The following GULP1 variants were observed in gnomAD, a reference collection of about 807,000 sequenced individuals.
The protein encoded by GULP1 is PTB domain-containing engulfment adapter protein 1.
A neutral mutation model predicts 40.9 loss-of-function variants in GULP1; 19 were observed. The ratio of observed to expected loss-of-function variants is 0.46; its 90% CI spans 0.32 to 0.68. The LOEUF is 0.68. Ranked by LOEUF, GULP1 falls within the 30% of genes least tolerant of loss-of-function variation. The pLI is 0.03. For synonymous variants in GULP1, 119 were observed against 117.6 expected (o/e 1.01, Z -0.08); for missense variants, 312 against 362.2 (o/e 0.86, Z 1.12).
intron 1 of GULP1, among the ~76,000 whole-genome samples, chr2:188,305,823 G>C (rs1161864863): frequency 6.6e-6 from 1 of 152,142 alleles, no homozygotes; most frequent in East Asian, 1.9e-4. Flanking sequence ...TGTCGCCCAG[G>C]CTGGAGTGGA....
rs369439030 is a variant in GULP1 at position 188,370,996 on chromosome 2, A to G, written c.-171-12767A>G. On this transcript the variant is annotated intron_variant, in intron 1 of 11. Coordinates refer to ENST00000409830, the MANE Select transcript of GULP1 (RefSeq NM_016315.4). ...CCAAACTCTTCCTAAACATCTATTG[A>G]GCATTTACTATTTCCCAGGCACAAA... Among the ~76,000 whole-genome samples the G allele has an allele frequency of 2.2e-4, 33 of 152,234 alleles. 1 individual carries two copies. The highest frequency in any genetic ancestry group is 7.9e-4 in the African/African-American group (33 of 41,534).
chr2:188,473,292 T>A (rs1011887277), intron 2 of GULP1, among the ~76,000 whole-genome samples: 3 of 152,132 alleles, frequency 2.0e-5, no homozygotes, highest in Non-Finnish European at 4.4e-5. Context: ...TATTGCCTGT[T>A]TTCTCTCAAG....
At chr2:188,581,418 C>T (rs1701300537) in intron 9 of GULP1, among the ~76,000 whole-genome samples, 1 of 152,154 alleles carries the variant, frequency 6.6e-6, no homozygotes, top group Non-Finnish European at 1.5e-5. Flanking sequence ...CAGGCACCTT[C>T]TCTCTGGCCT....
At chr2:188,378,622 G>A (rs1238601685) in intron 1 of GULP1, among the ~76,000 whole-genome samples, 1 of 152,140 alleles carries the variant, frequency 6.6e-6, no homozygotes, top group Non-Finnish European at 1.5e-5. Flanking sequence ...TGCATGAGCA[G>A]AGATGGTATG....
chr2:188,430,160 C>CA (rs1487024773), intron 2 of GULP1, among the ~76,000 whole-genome samples: 1 of 152,152 alleles, frequency 6.6e-6, no homozygotes, highest in East Asian at 1.9e-4. Flanking sequence ...TTGATTAAAA[C>CA]AGAGTCATAG....
intron 2 of GULP1, among the ~76,000 whole-genome samples, chr2:188,417,583 A>G (rs1316859334): frequency 6.6e-6 from 1 of 152,212 alleles, no homozygotes; most frequent in Non-Finnish European, 1.5e-5. Flanking sequence ...ATTTCACTTA[A>G]TTAAAAACTA....
intron 7 of GULP1, among the ~76,000 whole-genome samples, chr2:188,566,418 TATAA>T (rs545744755): frequency 3.0e-4 from 46 of 152,132 alleles, no homozygotes; most frequent in Non-Finnish European, 5.6e-4. Context: ...AAGTTATTAA[TATAA>T]ATAAATAATA....
intron 5 of GULP1, among the ~76,000 whole-genome samples, chr2:188,524,698 G>A (rs775231710): frequency 6.7e-6 from 1 of 150,180 alleles, no homozygotes; most frequent in Non-Finnish European, 1.5e-5. Flanking sequence ...GGCGCTACTG[G>A]CTCGCAATGG....
chr2:188,455,644 A>G (rs1235127731), intron 2 of GULP1, among the ~76,000 whole-genome samples: 2 of 152,210 alleles, frequency 1.3e-5, no homozygotes, highest in African/African-American at 2.4e-5. Flanking sequence ...GCAGTGAGAA[A>G]AAGGACTAAT....
At chr2:188,432,397 C>T (rs1028578082) in intron 2 of GULP1, among the ~76,000 whole-genome samples, 32 of 151,578 alleles carry the variant, frequency 2.1e-4, no homozygotes, top group African/African-American at 7.5e-4. Flanking sequence ...TTCTGTTAAT[C>T]ATTTTTTTTT....
At chr2:188,464,888 A>T (rs1474120985) in intron 2 of GULP1, among the ~76,000 whole-genome samples, 5 of 151,970 alleles carry the variant, frequency 3.3e-5, no homozygotes, top group African/African-American at 1.2e-4. Flanking sequence ...CAAGCCTGAG[A>T]CTCAACCGTC....
chr2:188,539,824 G>T (rs555011070), intron 6 of GULP1, among the ~76,000 whole-genome samples: 2 of 152,134 alleles, frequency 1.3e-5, no homozygotes, highest in East Asian at 3.9e-4. Flanking sequence ...ATCTCAGCAA[G>T]CTGACACATC....
intron 2 of GULP1, among the ~76,000 whole-genome samples, chr2:188,390,820 CA>C (rs112566858): frequency 2.6e-5 from 4 of 152,072 alleles, no homozygotes; most frequent in South Asian, 2.1e-4. Context: ...GATCCAGTTT[CA>C]CTCTTCTACA....
chr2:188,528,504 A>G (rs1013047057), intron 5 of GULP1, among the ~76,000 whole-genome samples: 5 of 148,792 alleles, frequency 3.4e-5, no homozygotes, highest in South Asian at 2.1e-4. Context: ...GAAAGTATTG[A>G]AAAAAAAAAC....
intron 4 of GULP1, among the ~76,000 whole-genome samples, chr2:188,506,243 G>A (rs1285936576): frequency 1.3e-5 from 2 of 151,718 alleles, no homozygotes; most frequent in East Asian, 3.9e-4. Context: ...TTAAATTTAA[G>A]ATTTTCACTA....
At chr2:188,350,783 C>T (rs1003308101) in intron 1 of GULP1, among the ~76,000 whole-genome samples, 2 of 151,994 alleles carry the variant, frequency 1.3e-5, no homozygotes, top group South Asian at 4.1e-4. Context: ...TTTCTGTACA[C>T]CAGTAGATGA....
intron 1 of GULP1, chr2:188,294,510 T>C (rs2034492299): frequency 6.6e-6 from 1 of 151,270 alleles, no homozygotes; most frequent in African/African-American, 2.4e-5. Flanking sequence ...TAAAGTTGTG[T>C]ATGTTTCATC....
intron 1 of GULP1, among the ~76,000 whole-genome samples, chr2:188,376,944 C>CT (rs774780376): frequency 2.0e-5 from 3 of 152,134 alleles, no homozygotes; most frequent in Non-Finnish European, 2.9e-5. Context: ...GAAGTTGAGG[C>CT]TGACAGATCA....
chr2:188,385,701 C>A (rs1329886740), intron 2 of GULP1, among the ~76,000 whole-genome samples: 2 of 152,094 alleles, frequency 1.3e-5, no homozygotes, highest in East Asian at 3.9e-4. Flanking sequence ...CTTAGACATT[C>A]CTTCCTCCAG....
Sources: allele counts gnomAD v4.1 joint callset (sites outside exome capture counted in the v4.1 genomes callset), GRCh38; gene constraint gnomAD v4.1.1; transcripts MANE v1.5; gene names NCBI Gene and HGNC (gene_info 2026-07-23, HGNC 2026-07-21).